The following EPS15 variants were observed in gnomAD, a reference collection of about 807,000 sequenced individuals.
EPS15 encodes the protein epidermal growth factor receptor pathway substrate 15.
In EPS15, 72 loss-of-function variants were observed where a neutral mutation model predicts 113.8. The ratio of observed to expected loss-of-function variants is 0.63; its 90% CI spans 0.52 to 0.77. The LOEUF is 0.77. Among genes scored for constraint, EPS15 ranks in the 30% least tolerant of loss-of-function variants. The probability of loss-of-function intolerance (pLI) is 0.00; values close to 1 mark genes in which losing one functional copy is unlikely to be tolerated. For synonymous variants in EPS15, 344 were observed against 363.4 expected (o/e 0.95, Z 0.61); for missense variants, 1,048 against 1,045.8 (o/e 1.00, Z -0.03).
At chr1:51,403,349 C>T in intron 17 of EPS15, 70 bp downstream of exon 17, 1 of 791,388 alleles carries the variant, frequency 1.3e-6, no homozygotes, top group Non-Finnish European at 2.1e-6. Context: ...TAAGTAATGT[C>T]TGATAATTCA....
At position 51,517,183 on chromosome 1, in the gene EPS15, T is replaced by G. The variant is rs142455965; in HGVS notation, c.33+2016A>C. Among the ~76,000 whole-genome samples the G allele has an allele frequency of 9.2e-5, 14 of 152,362 alleles. No individual in the cohort carries two copies. The East Asian group carries it at 2.7e-3, about 29-fold the overall frequency. On this transcript the variant is annotated intron_variant, in intron 1 of 24. Transcript: ENST00000371733. The stretch of plus-strand genomic sequence containing the variant: ...TTTTCGTGTGCCTTCGTAATCCCTC[T>G]TATTGCCTCTTCATGTTTTAAAATC...
At chr1:51,508,662 A>AAT (rs939832792) in intron 1 of EPS15, among the ~76,000 whole-genome samples, 3 of 152,080 alleles carry the variant, frequency 2.0e-5, no homozygotes, top group East Asian at 1.9e-4. Context: ...ACTCTGTTAA[A>AAT]ATATATATAT....
At chr1:51,397,265 A>G (rs535859616) in intron 20 of EPS15, 1 of 152,342 alleles carries the variant, frequency 6.6e-6, no homozygotes, top group South Asian at 2.1e-4. Context: ...CATCCCTGGC[A>G]CACAGAGGAA....
intron 24 of EPS15, among the ~76,000 whole-genome samples, chr1:51,360,185 T>A (rs1646349671): frequency 1.3e-5 from 2 of 152,102 alleles, no homozygotes; most frequent in African/African-American, 4.8e-5. Context: ...GAGGGAAATA[T>A]TAGGCAGAGT....
At chr1:51,395,129 G>A (rs1389697107) in intron 20 of EPS15, among the ~76,000 whole-genome samples, 1 of 152,040 alleles carries the variant, frequency 6.6e-6, no homozygotes, top group Non-Finnish European at 1.5e-5. Context: ...GAAAGCACTG[G>A]GATTTTAGGT....
intron 1 of EPS15, among the ~76,000 whole-genome samples, chr1:51,491,823 A>G (rs1453453317): frequency 6.6e-6 from 1 of 151,478 alleles, no homozygotes; most frequent in African/African-American, 2.4e-5. Flanking sequence ...TGCACAGTGC[A>G]CATATTCCTC....
At chr1:51,383,935 T>C (rs1255288299) in intron 21 of EPS15, among the ~76,000 whole-genome samples, 3 of 152,204 alleles carry the variant, frequency 2.0e-5, no homozygotes, top group Non-Finnish European at 1.5e-5. Flanking sequence ...GTCATATTTC[T>C]ATATACCAAC....
chr1:51,487,423 T>C (rs78471706), intron 1 of EPS15, among the ~76,000 whole-genome samples: 2,231 of 152,264 alleles, frequency 0.015, 30 homozygotes, highest in Non-Finnish European at 0.021. Context: ...AAAACTATTT[T>C]AATGGTTGAA....
At chr1:51,405,723 T>G (rs912099249) in intron 16 of EPS15, among the ~76,000 whole-genome samples, 182 bp downstream of exon 16, 7 of 151,440 alleles carry the variant, frequency 4.6e-5, no homozygotes, top group African/African-American at 1.7e-4. Flanking sequence ...TTAGCTAAAG[T>G]TATCTTTTTA....
chr1:51,496,833 C>T (rs1644332433), intron 1 of EPS15, among the ~76,000 whole-genome samples: 2 of 152,122 alleles, frequency 1.3e-5, no homozygotes, highest in South Asian at 4.1e-4. Context: ...TCTCATTTAG[C>T]TTTTAAAATT....
At chr1:51,421,441 G>GAT (rs1557452395) in intron 13 of EPS15, among the ~76,000 whole-genome samples, 12 of 151,736 alleles carry the variant, frequency 7.9e-5, no homozygotes, top group African/African-American at 2.7e-4. Flanking sequence ...ATGATGATGA[G>GAT]ATGATGATCT....
At chr1:51,424,793 C>T (rs1326054790) in intron 12 of EPS15, among the ~76,000 whole-genome samples, 6 of 152,006 alleles carry the variant, frequency 3.9e-5, no homozygotes, top group Non-Finnish European at 8.8e-5. Context: ...GTCCCAGCTA[C>T]TGAGGAGGCT....
intron 16 of EPS15, 29 bp from the exon 17 acceptor site, chr1:51,403,561 C>T (rs369942365): frequency 9.7e-5 from 122 of 1,258,204 alleles, no homozygotes; most frequent in Non-Finnish European, 1.3e-4. Flanking sequence ...AGTAGATTAA[C>T]AATATACTTT....
At chr1:51,370,686 C>T (rs1008414979) in intron 21 of EPS15, among the ~76,000 whole-genome samples, 1 of 149,360 alleles carries the variant, frequency 6.7e-6, no homozygotes, top group African/African-American at 2.5e-5. Context: ...AGTGGCATAA[C>T]CTCAGCTCAC....
chr1:51,465,574 C>T (rs964088901), intron 5 of EPS15, among the ~76,000 whole-genome samples: 1 of 152,012 alleles, frequency 6.6e-6, no homozygotes, highest in African/African-American at 2.4e-5. Flanking sequence ...TGCTCTGTCG[C>T]CCAGGCTGGA....
intron 9 of EPS15, chr1:51,447,818 C>T (rs747655648): frequency 1.3e-4 from 27 of 207,752 alleles, no homozygotes; most frequent in Non-Finnish European, 2.0e-4. Flanking sequence ...GCAGGTTCAA[C>T]GAGATGGTGC....
chr1:51,375,825 C>T (rs1477171285), intron 21 of EPS15, among the ~76,000 whole-genome samples: 1 of 151,920 alleles, frequency 6.6e-6, no homozygotes, highest in Non-Finnish European at 1.5e-5. Context: ...CAAAACAAAA[C>T]AAACAAACCA....
intron 1 of EPS15, among the ~76,000 whole-genome samples, chr1:51,493,654 T>G (rs1218826268): frequency 6.6e-6 from 1 of 151,740 alleles, no homozygotes; most frequent in African/African-American, 2.4e-5. Context: ...AGTCTCCCTC[T>G]GTCGCCCAGG....
intron 21 of EPS15, among the ~76,000 whole-genome samples, chr1:51,377,824 C>T (rs760395473): frequency 6.6e-6 from 1 of 152,000 alleles, no homozygotes; most frequent in Non-Finnish European, 1.5e-5. Context: ...AGTCGGCAGC[C>T]ACCAATATCG....
Sources: gnomAD v4.1 joint callset for allele counts (sites outside exome capture counted in the v4.1 genomes callset) on GRCh38, gnomAD v4.1.1 for gene constraint, MANE v1.5 for transcripts, NCBI Gene and HGNC (gene_info 2026-07-23, HGNC 2026-07-21) for gene names.